Variants in MGLL observed in about 807,000 individuals in gnomAD.
MGLL encodes monoglyceride lipase, also known as lysophospholipase homolog.
MGLL carries 7 observed loss-of-function variants against 29.1 expected under a neutral mutation model. The observed-to-expected ratio is 0.24, with a 90% CI of 0.14 to 0.45. MGLL has a LOEUF of 0.45. Ranked by LOEUF, MGLL falls within the 20% of genes least tolerant of loss-of-function variation. The probability of loss-of-function intolerance (pLI) is 0.99; values close to 1 mark genes in which losing one functional copy is unlikely to be tolerated. For synonymous variants in MGLL, 148 were observed against 168.3 expected (o/e 0.88, Z 0.93); for missense variants, 356 against 413.6 (o/e 0.86, Z 1.21).
rs867327799 is a variant in MGLL, at chr3:127,748,384, G to A, written c.263-25818C>T. Among the ~76,000 whole-genome samples the A allele has an allele frequency of 2.2e-4, 33 of 150,216 alleles. No individual in the cohort carries two copies. The Middle Eastern group carries it at 0.017, about 77-fold the overall frequency. On this transcript the variant is annotated intron_variant, in intron 3 of 7. Coordinates refer to ENST00000265052, the MANE Select transcript of MGLL (RefSeq NM_007283.7). Reference sequence around the variant, plus strand: ...CACAACAGAGGTGGGAGAGGGAGGAGGGAGGGAGGGAGAGAGAGAGAGAAA... The same window carrying A: ...CACAACAGAGGTGGGAGAGGGAGGAAGGAGGGAGGGAGAGAGAGAGAGAAA...
At chr3:127,802,920 T>C (rs578179706) in intron 2 of MGLL, among the ~76,000 whole-genome samples, 20 of 152,230 alleles carry the variant, frequency 1.3e-4, no homozygotes, top group Admixed American at 1.1e-3. Context: ...CTGGTATGAC[T>C]GACCTCGCTT....
intron 3 of MGLL, among the ~76,000 whole-genome samples, chr3:127,758,925 CTTT>C (rs55756082): frequency 2.0e-4 from 20 of 100,828 alleles, no homozygotes; most frequent in Non-Finnish European, 2.8e-4. Context: ...CTTTTCTTTT[CTTT>C]TTTTTTTTTT....
intron 2 of MGLL, among the ~76,000 whole-genome samples, chr3:127,795,861 T>G (rs2077374514): frequency 6.6e-6 from 1 of 152,200 alleles, no homozygotes; most frequent in African/African-American, 2.4e-5. Context: ...GCAAAATCCA[T>G]CCACAATCTT....
intron 3 of MGLL, among the ~76,000 whole-genome samples, chr3:127,755,545 G>A (rs570263121): frequency 1.1e-4 from 17 of 152,274 alleles, no homozygotes; most frequent in East Asian, 9.7e-4. Context: ...TCACAAGGGC[G>A]GACCACATGC....
At chr3:127,762,854 G>GTACCATTAT (rs2076790044) in intron 3 of MGLL, among the ~76,000 whole-genome samples, 1 of 152,324 alleles carries the variant, frequency 6.6e-6, no homozygotes, top group Non-Finnish European at 1.5e-5. Flanking sequence ...CTACACCTAG[G>GTACCATTAT]TACCATTATT....
chr3:127,752,820 A>G (rs2076584731), intron 3 of MGLL, among the ~76,000 whole-genome samples: 1 of 152,036 alleles, frequency 6.6e-6, no homozygotes, highest in African/African-American at 2.4e-5. Flanking sequence ...CCTCCTTACC[A>G]TCTCTTCCCC....
intron 2 of MGLL, 66 bp downstream of exon 2, chr3:127,821,628 C>G: frequency 6.3e-7 from 1 of 1,584,058 alleles, no homozygotes; most frequent in South Asian, 1.1e-5. Flanking sequence ...CACATGATAA[C>G]GACCAGAGGA....
At chr3:127,780,165 T>C (rs1437428684) in intron 3 of MGLL, among the ~76,000 whole-genome samples, 1 of 152,214 alleles carries the variant, frequency 6.6e-6, no homozygotes, top group Non-Finnish European at 1.5e-5. Context: ...GCTTTTAAAA[T>C]TGTTTCTCAA....
At chr3:127,781,334 C>G (rs1232757117) in intron 3 of MGLL, among the ~76,000 whole-genome samples, 1 of 152,064 alleles carries the variant, frequency 6.6e-6, no homozygotes, top group Non-Finnish European at 1.5e-5. Flanking sequence ...GTTGGGTTTT[C>G]TTGTGAACAA....
chr3:127,782,151 G>A (rs1267640436), intron 2 of MGLL, among the ~76,000 whole-genome samples: 2 of 152,136 alleles, frequency 1.3e-5, no homozygotes, highest in African/African-American at 4.8e-5. Context: ...GAACCCAGGA[G>A]GCAGAGATGA....
At chr3:127,697,773 G>C (rs1453244986) in intron 6 of MGLL, among the ~76,000 whole-genome samples, 1 of 152,200 alleles carries the variant, frequency 6.6e-6, no homozygotes, top group Non-Finnish European at 1.5e-5. Flanking sequence ...TGGGTGTCCT[G>C]ATGCCAAGAA....
chr3:127,798,012 G>T (rs1294321368), intron 2 of MGLL, among the ~76,000 whole-genome samples: 1 of 151,906 alleles, frequency 6.6e-6, no homozygotes, highest in Non-Finnish European at 1.5e-5. Flanking sequence ...AGAGCAGCAA[G>T]GGGTGTGTGA....
intron 3 of MGLL, 30 bp from the exon 4 acceptor site, chr3:127,722,596 T>C: frequency 6.2e-7 from 1 of 1,614,202 alleles, no homozygotes; most frequent in Admixed American, 1.7e-5. Flanking sequence ...GAGAGAGAGC[T>C]GCAGTTACCA....
At chr3:127,814,828 A>G (rs559221784) in intron 2 of MGLL, among the ~76,000 whole-genome samples, 3 of 152,372 alleles carry the variant, frequency 2.0e-5, no homozygotes, top group Non-Finnish European at 4.4e-5. Flanking sequence ...AAATAAAACA[A>G]TTTGCTACGC....
At chr3:127,812,205 T>C (rs984317625) in intron 2 of MGLL, among the ~76,000 whole-genome samples, 2 of 152,248 alleles carry the variant, frequency 1.3e-5, no homozygotes, top group African/African-American at 2.4e-5. Flanking sequence ...CCAGCTATAA[T>C]AGCTAAGGGT....
chr3:127,695,710 C>T (rs2075346703), intron 6 of MGLL, among the ~76,000 whole-genome samples: 1 of 152,092 alleles, frequency 6.6e-6, no homozygotes, highest in Admixed American at 6.5e-5. Context: ...CGCCACTGCA[C>T]TCTAGCCTAG....
intron 5 of MGLL, among the ~76,000 whole-genome samples, chr3:127,717,082 A>G (rs2075830509): frequency 6.6e-6 from 1 of 152,212 alleles, no homozygotes; most frequent in Admixed American, 6.5e-5. Context: ...ATTAGAGAGC[A>G]GGTGCCCACA....
intron 2 of MGLL, among the ~76,000 whole-genome samples, chr3:127,803,221 C>T (rs945056817): frequency 6.6e-6 from 1 of 152,176 alleles, no homozygotes; most frequent in Non-Finnish European, 1.5e-5. Context: ...CTCAAATGAT[C>T]CACCTGCCTC....
At chr3:127,812,042 C>T (rs1398788884) in intron 2 of MGLL, among the ~76,000 whole-genome samples, 1 of 152,216 alleles carries the variant, frequency 6.6e-6, no homozygotes, top group African/African-American at 2.4e-5. Context: ...CTTGTAGTAA[C>T]AGTCTCACTC....
Sources: allele counts gnomAD v4.1 joint callset (sites outside exome capture counted in the v4.1 genomes callset), GRCh38; gene constraint gnomAD v4.1.1; transcripts MANE v1.5; gene names NCBI Gene and HGNC (gene_info 2026-07-23, HGNC 2026-07-21).